The following TRPC3 variants were observed in gnomAD, a reference collection of about 807,000 sequenced individuals.
TRPC3 encodes short transient receptor potential channel 3.
Under a neutral mutation model 90.9 loss-of-function variants are expected in TRPC3, and 54 were observed. That is an observed-to-expected ratio of 0.59 (90% confidence interval 0.48 to 0.75). The LOEUF (loss-of-function observed/expected upper bound fraction) is 0.75. Ranked by LOEUF, TRPC3 falls within the 30% of genes least tolerant of loss-of-function variation. The pLI is 0.00. For synonymous variants in TRPC3, 424 were observed against 450.9 expected, an observed-to-expected ratio of 0.94 and a Z score of 0.75; for missense variants, 918 against 1,194.5, an observed-to-expected ratio of 0.77 and a Z score of 3.41.
intron 3 of TRPC3, among the ~76,000 whole-genome samples, chr4:121,922,285 T>C (rs1578638086): frequency 6.6e-6 from 1 of 152,180 alleles, no homozygotes; most frequent in Non-Finnish European, 1.5e-5. Flanking sequence ...TATTCTAGAA[T>C]AGAATTCTTA....
At chr4:121,892,101 A>C (rs1277945608) in intron 10 of TRPC3, among the ~76,000 whole-genome samples, 1 of 152,188 alleles carries the variant, frequency 6.6e-6, no homozygotes, top group East Asian at 1.9e-4. Context: ...AGGAAGGGGG[A>C]AAATGGTGTA....
At chr4:121,913,483 G>T (rs1186388606) in intron 4 of TRPC3, among the ~76,000 whole-genome samples, 1 of 152,134 alleles carries the variant, frequency 6.6e-6, no homozygotes, top group African/African-American at 2.4e-5. Flanking sequence ...ACTGTTAGTT[G>T]TACTTGTAAA....
Position 121,951,225 on chromosome 4 carries a change from C to A in TRPC3, c.215+241G>T, listed in dbSNP as rs1730726502. Among the ~76,000 whole-genome samples, 1 of 152,196 alleles carries A rather than the reference C, an allele frequency of 6.6e-6. No homozygotes were observed. The highest frequency in any genetic ancestry group is 2.4e-5 in the African/African-American group (1 of 41,464). ...TGCGGGCTGTTCCGTGTGCTTGAGC[C>A]TGGACAGAGCCCCTGCCACGCACTC... On this transcript the variant is annotated intron_variant, in intron 1 of 11. Transcript: ENST00000379645. This position sits in a 1 kb window ranked among gnomAD's most constrained non-coding sequence, Gnocchi z 4.4.
Position 121,951,287 on chromosome 4 carries a change from G to A in TRPC3, c.215+179C>T, listed in dbSNP as rs1234813966. On this transcript the variant is annotated intron_variant, in intron 1 of 11. Transcript: ENST00000379645. This position sits in a 1 kb window ranked among gnomAD's most constrained non-coding sequence, Gnocchi z 4.4. ...TGTCCCTCCACCGCGCGGGACCGAGGGGGCGAGCCTCCGGCCGAGGTCTGT... is the reference window on the plus strand; with the variant it reads ...TGTCCCTCCACCGCGCGGGACCGAGAGGGCGAGCCTCCGGCCGAGGTCTGT... Among the ~76,000 whole-genome samples, 1 of 152,040 alleles carries A rather than the reference G, an allele frequency of 6.6e-6. No individual in the cohort carries two copies.
chr4:121,905,395 A>C (rs1017894005), intron 7 of TRPC3, among the ~76,000 whole-genome samples: 10 of 152,104 alleles, frequency 6.6e-5, no homozygotes, highest in Non-Finnish European at 8.8e-5. Context: ...AGGAGGCAGC[A>C]GAATGAAAGA....
chr4:121,904,083 A>G (rs571299794), intron 8 of TRPC3, among the ~76,000 whole-genome samples: 107 of 152,274 alleles, frequency 7.0e-4, no homozygotes, highest in African/African-American at 2.4e-3. Context: ...TCTGAAATAT[A>G]CCCTGAGAGA....
chr4:121,925,626 C>G (rs761496856), intron 2 of TRPC3, among the ~76,000 whole-genome samples: 1 of 152,092 alleles, frequency 6.6e-6, no homozygotes, highest in African/African-American at 2.4e-5. Context: ...TCTATCTGCA[C>G]GGCACAGTGA....
intron 3 of TRPC3, among the ~76,000 whole-genome samples, chr4:121,917,677 A>T (rs1445359075): frequency 6.6e-6 from 1 of 152,220 alleles, no homozygotes; most frequent in Non-Finnish European, 1.5e-5. Flanking sequence ...TCTTAATTTG[A>T]ATGTTGGTAC....
At chr4:121,950,518 A>G (rs1400894001) in intron 1 of TRPC3, 1 of 152,340 alleles carries the variant, frequency 6.6e-6, no homozygotes, top group Non-Finnish European at 1.5e-5. Flanking sequence ...TACGTGACAG[A>G]AAAAATACAG....
intron 2 of TRPC3, among the ~76,000 whole-genome samples, chr4:121,927,657 A>G (rs375448239): frequency 2.0e-5 from 3 of 151,458 alleles, no homozygotes; most frequent in Admixed American, 1.3e-4. Context: ...AATAAACAAG[A>G]AGAAGAGAGA....
At chr4:121,949,234 A>C (rs1230026485) in intron 1 of TRPC3, among the ~76,000 whole-genome samples, 1 of 152,228 alleles carries the variant, frequency 6.6e-6, no homozygotes, top group Non-Finnish European at 1.5e-5. Flanking sequence ...TGGTTCAATC[A>C]AGAGTTCTAT....
intron 1 of TRPC3, among the ~76,000 whole-genome samples, chr4:121,939,286 T>C (rs1730228150): frequency 6.6e-6 from 1 of 152,062 alleles, no homozygotes; most frequent in Admixed American, 6.5e-5. Flanking sequence ...AATTATGGGA[T>C]TTTTGTATTT....
At chr4:121,903,108 T>C (rs780422037) in intron 8 of TRPC3, 47 bp from the exon 9 acceptor site, 1 of 1,513,430 alleles carries the variant, frequency 6.6e-7, no homozygotes, top group Non-Finnish European at 8.9e-7. Context: ...ATGCTAAATA[T>C]TCTAGTGACT....
In TRPC3 at chr4:121,878,402, G is replaced by T. The variant is rs1727829150; in HGVS notation, c.*1334C>A. The stretch of plus-strand genomic sequence containing the variant: ...GTTTTAAGGACCTCTGAAAATCTTT[G>T]ATCTATGATCACAATTCGTATTCCT... On this transcript the variant is annotated 3_prime_UTR_variant, in exon 12 of 12. Coordinates refer to ENST00000379645, the MANE Select transcript of TRPC3 (RefSeq NM_001130698.2). Among the ~76,000 whole-genome samples the T allele has an allele frequency of 6.6e-6, 1 of 152,106 alleles. No homozygotes were observed. The highest frequency in any genetic ancestry group is 1.5e-5 in the Non-Finnish European group (1 of 68,014).
chr4:121,901,276 G>A (rs115056963), intron 9 of TRPC3, among the ~76,000 whole-genome samples: 2,047 of 152,282 alleles, frequency 0.013, 44 homozygotes, highest in African/African-American at 0.046. Context: ...AGCAGGAGCT[G>A]CCCAGGATGA....
Position 121,951,291 on chromosome 4 carries a change from C to CGAGCCTCCGGCCGAGGTCTG in TRPC3, c.215+155_215+174dup, listed in dbSNP as rs1238586827. On this transcript the variant is annotated intron_variant, in intron 1 of 11. Transcript: ENST00000379645. This position sits in a 1 kb window ranked among gnomAD's most constrained non-coding sequence, Gnocchi z 4.4. ...CCTCCACCGCGCGGGACCGAGGGGG[C>CGAGCCTCCGGCCGAGGTCTG]GAGCCTCCGGCCGAGGTCTGTCCCC... 6.6e-6 allele frequency among the ~76,000 whole-genome samples: 1 copy of CGAGCCTCCGGCCGAGGTCTG among 152,034 alleles called. No individual in the cohort carries two copies. Among genetic ancestry groups the CGAGCCTCCGGCCGAGGTCTG allele is most frequent in the African/African-American group, 2.4e-5 (1 of 41,408 alleles).
At chr4:121,911,374 C>T (rs376870336) in intron 5 of TRPC3, among the ~76,000 whole-genome samples, 23 of 152,264 alleles carry the variant, frequency 1.5e-4, no homozygotes, top group African/African-American at 3.1e-4. Context: ...TATTGTAAGA[C>T]GAAATAGGTT....
intron 8 of TRPC3, 66 bp from the exon 9 acceptor site, chr4:121,903,127 T>C (rs1728761000): frequency 2.8e-6 from 4 of 1,418,240 alleles, no homozygotes; most frequent in Non-Finnish European, 3.8e-6. Context: ...CTGTTGCTAA[T>C]AGGTTTTTTA....
At chr4:121,949,786 A>G (rs1730621796) in intron 1 of TRPC3, among the ~76,000 whole-genome samples, 1 of 152,238 alleles carries the variant, frequency 6.6e-6, no homozygotes, top group African/African-American at 2.4e-5. Context: ...AACATATACA[A>G]AAGATGTTCT....
Sources: allele counts gnomAD v4.1 joint callset (sites outside exome capture counted in the v4.1 genomes callset), GRCh38; gene constraint gnomAD v4.1.1; non-coding constraint Gnocchi (gnomAD v3.1); transcripts MANE v1.5; gene names NCBI Gene and HGNC (gene_info 2026-07-23, HGNC 2026-07-21).